DCDC2C: variants seen among roughly 807,000 people sequenced by gnomAD.
DCDC2C encodes doublecortin domain containing 2C, also known as doublecortin domain-containing protein 2C.
In DCDC2C, 44 loss-of-function variants were observed where a neutral mutation model predicts 45.0. The ratio of observed to expected loss-of-function variants is 0.98; its 90% CI spans 0.77 to 1.26. The LOEUF is 1.26. Ranked by LOEUF, DCDC2C falls within the 50% of genes most tolerant of loss-of-function variation. The pLI is 0.00. For missense variants in DCDC2C, 447 were observed against 468.9 expected (o/e 0.95, Z 0.43); for synonymous variants, 187 against 178.8 (o/e 1.05, Z -0.37).
Position 3,837,622 on chromosome 2 carries a change from A to ACAC in DCDC2C, c.1066-9532_1066-9531insCAC, listed in dbSNP as rs1558249632. Reference sequence around the variant, plus strand: ...TCATCTAAAGGGGAAGAAACTGAGGAAGAAATCAGCCTTTGGCTCCCCCTT... The same window carrying ACAC: ...TCATCTAAAGGGGAAGAAACTGAGGACACAGAAATCAGCCTTTGGCTCCCCCTT... On this transcript the variant is annotated intron_variant, in intron 10 of 10. Coordinates refer to ENST00000399143, the MANE Select transcript of DCDC2C (RefSeq NM_001287444.2). 4.8e-5 allele frequency among the ~76,000 whole-genome samples: 6 copies of ACAC among 124,582 alleles called. 2 individuals are homozygous for ACAC. The highest frequency in any genetic ancestry group is 2.8e-4 in the South Asian group (1 of 3,626). The allele number at this position is 124,582 out of a possible 152,430, so 81.7% of individuals were successfully genotyped here. A position where few individuals can be genotyped will look rare whatever the true frequency, so the allele number is the denominator to read the frequency against.
Position 3,755,143 on chromosome 2 carries a change from G to A in DCDC2C, c.726+509G>A, listed in dbSNP as rs532122306. ...AATACATGTGTGTGGAGGCATGTGT[G>A]TGTATGTATGGATGCATGTGTATGT... is the stretch of plus-strand genomic sequence containing the variant. On this transcript the variant is annotated intron_variant, in intron 6 of 10. Coordinates refer to ENST00000399143, the MANE Select transcript of DCDC2C (RefSeq NM_001287444.2). Among the ~76,000 whole-genome samples, 15 of 151,554 alleles carry A rather than the reference G, an allele frequency of 9.9e-5. No homozygotes were observed. In the South Asian group the frequency reaches 3.1e-3, roughly 31 times the overall value.
At chr2:3,838,479 A>AGAGAGAGAGAGAGAGACC in intron 10 of DCDC2C, among the ~76,000 whole-genome samples, 1 of 150,616 alleles carries the variant, frequency 6.6e-6, no homozygotes. Flanking sequence ...AGAGAGAGAG[A>AGAGAGAGAGAGAGAGACC]GAGACCAAAC....
At chr2:3,739,804 GA>G (rs1388236744) in intron 3 of DCDC2C, among the ~76,000 whole-genome samples, 1 of 152,234 alleles carries the variant, frequency 6.6e-6, no homozygotes, top group Non-Finnish European at 1.5e-5. Flanking sequence ...TAATTGAGCT[GA>G]TTAACACAAG....
chr2:3,742,939 T>A lies in DCDC2C; in HGVS notation c.545+891T>A, dbSNP rs571245476. ...TGAAAGCTCACAGTGGTGCTAGTCATGATGATGGACTGAAGGTGGCAGGTG... is the reference window on the plus strand; with the variant it reads ...TGAAAGCTCACAGTGGTGCTAGTCAAGATGATGGACTGAAGGTGGCAGGTG... On this transcript the variant is annotated intron_variant, in intron 4 of 10. Coordinates refer to ENST00000399143, the MANE Select transcript of DCDC2C (RefSeq NM_001287444.2). Among the ~76,000 whole-genome samples the A allele has an allele frequency of 7.9e-5, 12 of 152,268 alleles. 1 individual carries two copies. In the South Asian group the frequency reaches 2.3e-3, roughly 29 times the overall value.
chr2:3,751,822 C>T lies in DCDC2C; in HGVS notation c.546-941C>T, dbSNP rs548171747. Among the ~76,000 whole-genome samples, 9 of 152,336 alleles carry T rather than the reference C, an allele frequency of 5.9e-5. No individual in the cohort carries two copies. The South Asian group carries it at 1.7e-3, about 28-fold the overall frequency. ...GTCACATCCTGGCCACAGCTGCCCG[C>T]TCACTAGTGCTAAAACATAGCCCTT... On this transcript the variant is annotated intron_variant, in intron 4 of 10. Coordinates refer to ENST00000399143, the MANE Select transcript of DCDC2C (RefSeq NM_001287444.2).
intron 10 of DCDC2C, among the ~76,000 whole-genome samples, chr2:3,837,140 A>G (rs1207116303): frequency 6.6e-6 from 1 of 152,154 alleles, no homozygotes; most frequent in African/African-American, 2.4e-5. Context: ...TGAGGGCACC[A>G]TGGAGCTCAG....
intron 8 of DCDC2C, 44 bp from the exon 9 acceptor site, chr2:3,778,772 T>A: frequency 7.8e-6 from 12 of 1,531,798 alleles, no homozygotes; most frequent in Non-Finnish European, 8.0e-6. Context: ...TTAAAAGGAG[T>A]TCCACATAAG....
intron 3 of DCDC2C, among the ~76,000 whole-genome samples, chr2:3,738,288 G>C (rs909567021): frequency 6.6e-6 from 1 of 152,162 alleles, no homozygotes; most frequent in South Asian, 2.1e-4. Flanking sequence ...TGAGCAATGA[G>C]ATTGAAATAA....
intron 8 of DCDC2C, among the ~76,000 whole-genome samples, chr2:3,777,070 C>T (rs1254586589): frequency 6.6e-6 from 1 of 152,156 alleles, no homozygotes; most frequent in African/African-American, 2.4e-5. Context: ...GCTGCTGTCA[C>T]TCCTGCTTTT....
intron 9 of DCDC2C, among the ~76,000 whole-genome samples, chr2:3,784,361 C>G (rs1476530563): frequency 2.0e-5 from 3 of 151,960 alleles, no homozygotes; most frequent in East Asian, 3.9e-4. Context: ...ATTATCATAG[C>G]TAGGAATATC....
chr2:3,755,755 T>A (rs1012744579), intron 6 of DCDC2C, among the ~76,000 whole-genome samples: 2 of 152,102 alleles, frequency 1.3e-5, no homozygotes, highest in Admixed American at 6.5e-5. Context: ...TGGATGCATA[T>A]GTGTTGGTGT....
chr2:3,805,407 A>G (rs1471080573), intron 10 of DCDC2C, among the ~76,000 whole-genome samples: 1 of 152,180 alleles, frequency 6.6e-6, no homozygotes, highest in Non-Finnish European at 1.5e-5. Flanking sequence ...TCATTCTCTC[A>G]TTGCCATACT....
chr2:3,711,313 A>G (rs1040058466), intron 2 of DCDC2C, among the ~76,000 whole-genome samples: 9 of 152,196 alleles, frequency 5.9e-5, no homozygotes, highest in Admixed American at 4.6e-4. Context: ...GGGAATATAA[A>G]TCATCCTGTC....
At chr2:3,740,114 CATTA>C (rs1262415399) in intron 3 of DCDC2C, among the ~76,000 whole-genome samples, 2 of 152,232 alleles carry the variant, frequency 1.3e-5, no homozygotes, top group African/African-American at 2.4e-5. Flanking sequence ...TTGTCTACAA[CATTA>C]ATTATATCTG....
intron 10 of DCDC2C, among the ~76,000 whole-genome samples, chr2:3,830,853 C>T (rs956176572): frequency 6.6e-6 from 1 of 152,202 alleles, no homozygotes; most frequent in African/African-American, 2.4e-5. Flanking sequence ...TTGCTTACTA[C>T]TAAATGTAAC....
At chr2:3,719,973 C>T (rs1668452544) in intron 2 of DCDC2C, among the ~76,000 whole-genome samples, 1 of 152,162 alleles carries the variant, frequency 6.6e-6, no homozygotes, top group African/African-American at 2.4e-5. Context: ...CTTGGGACGA[C>T]CCAGCCCGTG....
At chr2:3,739,269 G>C (rs2566090) in intron 3 of DCDC2C, among the ~76,000 whole-genome samples, 70,897 of 152,026 alleles carry the variant, frequency 0.47, 17,092 homozygotes, top group East Asian at 0.73. Flanking sequence ...TGATACAGAA[G>C]GGGGAAGGGA....
intron 10 of DCDC2C, among the ~76,000 whole-genome samples, chr2:3,824,455 A>G (rs752127663): frequency 5.9e-5 from 9 of 152,358 alleles, no homozygotes; most frequent in Middle Eastern, 3.4e-3. Flanking sequence ...GATTTGATAC[A>G]CAGGCTGTAG....
At chr2:3,732,428 G>T (rs969125288) in intron 3 of DCDC2C, among the ~76,000 whole-genome samples, 1 of 151,928 alleles carries the variant, frequency 6.6e-6, no homozygotes, top group Non-Finnish European at 1.5e-5. Flanking sequence ...ATGTATATAT[G>T]ATATAATATA....
Sources: gnomAD v4.1 joint callset for allele counts (sites outside exome capture counted in the v4.1 genomes callset) on GRCh38, gnomAD v4.1.1 for gene constraint, MANE v1.5 for transcripts, NCBI Gene and HGNC (gene_info 2026-07-23, HGNC 2026-07-21) for gene names.